DAB2IP: variants seen among roughly 807,000 people sequenced by gnomAD.
DAB2IP encodes disabled homolog 2-interacting protein.
In DAB2IP, 28 loss-of-function variants were observed where a neutral mutation model predicts 107.2. The observed-to-expected ratio is 0.26, with a 90% CI of 0.19 to 0.36. The LOEUF is 0.36. Among genes scored for constraint, DAB2IP ranks in the 10% least tolerant of loss-of-function variants. The pLI is 1.00. For missense variants in DAB2IP, 1,400 were observed against 1,644.7 expected, an observed-to-expected ratio of 0.85 and a Z score of 2.57; for synonymous variants, 755 against 706.4, an observed-to-expected ratio of 1.07 and a Z score of -1.09.
intron 2 of DAB2IP, among the ~76,000 whole-genome samples, chr9:121,682,675 A>G (rs1828656810): frequency 6.6e-6 from 1 of 152,180 alleles, no homozygotes; most frequent in Non-Finnish European, 1.5e-5. Flanking sequence ...TGGGGGATGG[A>G]CTTTGTAAGG....
At chr9:121,741,603 T>A (rs1832352085) in intron 3 of DAB2IP, among the ~76,000 whole-genome samples, 1 of 151,998 alleles carries the variant, frequency 6.6e-6, no homozygotes, top group Non-Finnish European at 1.5e-5. Context: ...TGTCTCCTTA[T>A]GGGACGGAGC....
rs755346545 is a variant in DAB2IP at position 121,784,450 on chromosome 9, G to C, written c.*1952G>C. Reference sequence around the variant, plus strand: ...GGAGGCTCCCGGGGCCTGGACAGGCGGGCTCGGAGGCTACCCGCTGTGGCC... The same window carrying C: ...GGAGGCTCCCGGGGCCTGGACAGGCCGGCTCGGAGGCTACCCGCTGTGGCC... On this transcript the variant is annotated 3_prime_UTR_variant, in exon 16 of 16. Transcript: ENST00000408936. The C allele has an allele frequency of 2.0e-5, 3 of 153,140 alleles. No individual in the cohort carries two copies. The East Asian group carries it at 5.8e-4, about 30-fold the overall frequency. 9.5% of individuals were successfully genotyped at this position (153,140 alleles called of 1,614,324 possible). A position where few individuals can be genotyped will look rare whatever the true frequency, so the allele number is the denominator to read the frequency against.
At chr9:121,576,812 A>G (rs1589371195) in intron 1 of DAB2IP, among the ~76,000 whole-genome samples, 1 of 152,280 alleles carries the variant, frequency 6.6e-6, no homozygotes, top group African/African-American at 2.4e-5. Context: ...CTGCAGGGCC[A>G]TCCAGTGGCT....
At position 121,634,821 on chromosome 9, in the gene DAB2IP, C is replaced by T. The variant is rs1832024413; in HGVS notation, c.41-43857C>T. Among the ~76,000 whole-genome samples, 2 of 152,186 alleles carry T rather than the reference C, an allele frequency of 1.3e-5. No homozygotes were observed. The highest frequency in any genetic ancestry group is 2.4e-5 in the African/African-American group (1 of 41,446). ...GTCCTGCCCCCACCCCAGCCACCAC[C>T]TGTGGCTAGGCTGGGAGGAAGCTGC... On this transcript the variant is annotated intron_variant, in intron 1 of 16. Coordinates refer to the DAB2IP transcript ENST00000259371. The surrounding 1 kb of genome is among the most constrained non-coding windows in gnomAD (Gnocchi z 4.7).
intron 1 of DAB2IP, among the ~76,000 whole-genome samples, chr9:121,593,708 C>T (rs1219711050): frequency 4.1e-5 from 6 of 145,570 alleles, no homozygotes; most frequent in African/African-American, 1.5e-4. Context: ...CACTCTGTTG[C>T]CCAGGCTGGA....
At chr9:121,630,745 T>C in intron 1 of DAB2IP, among the ~76,000 whole-genome samples, 1 of 151,760 alleles carries the variant, frequency 6.6e-6, no homozygotes, top group East Asian at 2.0e-4. Flanking sequence ...GTCGCTGGGA[T>C]TACAGGTGTG....
chr9:121,665,705 CTT>C (rs1833390805), intron 1 of DAB2IP, among the ~76,000 whole-genome samples: 1 of 152,186 alleles, frequency 6.6e-6, no homozygotes, highest in African/African-American at 2.4e-5. Flanking sequence ...TCGCATATGT[CTT>C]TTGATAAAAG....
chr9:121,742,780 C>T, intron 3 of DAB2IP: 1 of 985,584 alleles, frequency 1.0e-6, no homozygotes, highest in Non-Finnish European at 1.2e-6. Context: ...TTCACCTTCC[C>T]CTAGTGTTCC....
chr9:121,743,665 G>A (rs1468789591), intron 3 of DAB2IP, among the ~76,000 whole-genome samples: 2 of 152,242 alleles, frequency 1.3e-5, no homozygotes, highest in African/African-American at 4.8e-5. Context: ...CAGCAGGAAG[G>A]CTCGCCCGGC....
chr9:121,593,618 C>A (rs1369055680), intron 1 of DAB2IP, among the ~76,000 whole-genome samples: 2 of 148,218 alleles, frequency 1.3e-5, no homozygotes, highest in Non-Finnish European at 3.0e-5. Context: ...TTCTTTCTTT[C>A]TTTATTAGTT....
At chr9:121,629,938 G>C (rs1292597757) in intron 1 of DAB2IP, among the ~76,000 whole-genome samples, 1 of 152,196 alleles carries the variant, frequency 6.6e-6, no homozygotes, top group Non-Finnish European at 1.5e-5. Flanking sequence ...ATGGACTCCA[G>C]AGTGTCCAAG....
exon 12 of DAB2IP, chr9:121,773,124 T>C (rs374731021): frequency 2.0e-5 from 32 of 1,611,542 alleles, no homozygotes; most frequent in Non-Finnish European, 2.6e-5. Context: ...CAGCGAGGAG[T>C]TGGCGGCTGC....
intron 1 of DAB2IP, among the ~76,000 whole-genome samples, chr9:121,631,513 G>C (rs529620172): frequency 6.6e-6 from 1 of 152,180 alleles, no homozygotes; most frequent in Admixed American, 6.5e-5. Context: ...TGGAAGTCCT[G>C]AATGCAAGGC....
intron 3 of DAB2IP, among the ~76,000 whole-genome samples, chr9:121,744,876 TAG>T (rs1832613377): frequency 6.6e-6 from 1 of 152,106 alleles, no homozygotes; most frequent in South Asian, 2.1e-4. Context: ...GAGCCAGGCG[TAG>T]ACGGATAGGC....
intron 1 of DAB2IP, among the ~76,000 whole-genome samples, chr9:121,641,913 CT>C (rs1297402059): frequency 2.2e-5 from 3 of 135,990 alleles, no homozygotes; most frequent in Admixed American, 7.4e-5. Context: ...TTCTTTCTTT[CT>C]TTCTTTCTTT....
At chr9:121,785,311 C>T (rs1366454343) in exon 16 of DAB2IP, 1 of 152,680 alleles carries the variant, frequency 6.5e-6, no homozygotes, top group African/African-American at 2.4e-5. Context: ...ACAAAGCCCC[C>T]CAGCTCCCAC....
chr9:121,757,130 G>A (rs2118955467), exon 4 of DAB2IP: 1 of 1,614,188 alleles, frequency 6.2e-7, no homozygotes, highest in Non-Finnish European at 8.5e-7. Flanking sequence ...TCAAGCCCGT[G>A]CACAGCAGCA....
At chr9:121,656,190 T>C (rs1832965535) in intron 1 of DAB2IP, among the ~76,000 whole-genome samples, 1 of 152,138 alleles carries the variant, frequency 6.6e-6, no homozygotes, top group Non-Finnish European at 1.5e-5. Flanking sequence ...GTATTTTCAG[T>C]AGAGACGGGG....
chr9:121,699,120 C>T lies in DAB2IP; in HGVS notation c.229-205C>T, dbSNP rs932561977. On this transcript the variant is annotated intron_variant, in intron 2 of 15. Transcript: ENST00000408936. This position sits in a 1 kb window ranked among gnomAD's most constrained non-coding sequence, Gnocchi z 6.2. ...GGGGCGACGTGGCGGGCGGGGTGGG[C>T]TGGGCCGCGCTGCGCGGGCCGGGCC... Among the ~76,000 whole-genome samples the T allele has an allele frequency of 2.1e-5, 3 of 145,798 alleles. No individual in the cohort carries two copies. Among genetic ancestry groups the T allele is most frequent in the Admixed American group, 2.0e-4 (3 of 14,736 alleles).
Sources: allele counts gnomAD v4.1 joint callset (sites outside exome capture counted in the v4.1 genomes callset), GRCh38; gene constraint gnomAD v4.1.1; non-coding constraint Gnocchi (gnomAD v3.1); transcripts MANE v1.5; gene names NCBI Gene and HGNC (gene_info 2026-07-23, HGNC 2026-07-21).